GALNS: variants seen among roughly 807,000 people sequenced by gnomAD.
GALNS encodes the protein galactosamine (N-acetyl)-6-sulfatase.
GALNS carries 65 observed loss-of-function variants against 65.9 expected under a neutral mutation model. That is an observed-to-expected ratio of 0.99 (90% CI 0.81 to 1.21). The LOEUF (loss-of-function observed/expected upper bound fraction) is 1.21, where lower values mean the gene tolerates loss of function less well. Ranked by LOEUF, GALNS falls within the 50% of genes most tolerant of loss-of-function variation. The pLI, the probability that GALNS is intolerant of heterozygous loss-of-function variation, is 0.00. For synonymous variants in GALNS, 346 were observed against 288.9 expected, an observed-to-expected ratio of 1.20 and a Z score of -2.00; for missense variants, 776 against 700.7, an observed-to-expected ratio of 1.11 and a Z score of -1.21.
chr16:88,851,437 G>A (rs1360300307), intron 1 of GALNS, among the ~76,000 whole-genome samples: 1 of 152,168 alleles, frequency 6.6e-6, no homozygotes, highest in African/African-American at 2.4e-5. Flanking sequence ...AGCTCCCAGC[G>A]TGATTGACGC....
At chr16:88,836,149 G>A (rs968923236) in intron 6 of GALNS, 52 bp downstream of exon 6, 110 of 1,527,154 alleles carry the variant, frequency 7.2e-5, no homozygotes, top group Non-Finnish European at 9.2e-5. Context: ...AGGTTGGTGC[G>A]GTCCCCGTCC....
intron 1 of GALNS, 169 bp from the exon 2 acceptor site, chr16:88,842,998 G>T: frequency 6.6e-7 from 1 of 1,508,984 alleles, no homozygotes; most frequent in Non-Finnish European, 8.9e-7. Flanking sequence ...CTGCGTGCGT[G>T]CACGATGGGG....
intron 9 of GALNS, among the ~76,000 whole-genome samples, chr16:88,829,823 G>A (rs1466814658): frequency 6.6e-6 from 1 of 152,246 alleles, no homozygotes; most frequent in East Asian, 1.9e-4. Flanking sequence ...CGCGCGACCA[G>A]GCCAGGCAAT....
intron 2 of GALNS, chr16:88,842,257 G>A: frequency 1.8e-6 from 1 of 567,312 alleles, no homozygotes; most frequent in Non-Finnish European, 3.2e-6. Flanking sequence ...GGGCGTGCAG[G>A]TCCACACGCC....
chr16:88,833,953 G>A (rs971786019), intron 8 of GALNS, among the ~76,000 whole-genome samples: 4 of 152,238 alleles, frequency 2.6e-5, no homozygotes, highest in Non-Finnish European at 4.4e-5. Flanking sequence ...TGGTGGTTGT[G>A]GGTGCTGGCG....
chr16:88,835,162 G>A (rs1394016294), intron 8 of GALNS, 51 bp downstream of exon 8: 9 of 1,552,066 alleles, frequency 5.8e-6, no homozygotes, highest in Middle Eastern at 1.7e-4. Context: ...GGCACTCTTC[G>A]CTGACACGCT....
intron 1 of GALNS, among the ~76,000 whole-genome samples, chr16:88,852,463 A>C (rs1362885409): frequency 6.6e-6 from 1 of 152,250 alleles, no homozygotes; most frequent in East Asian, 1.9e-4. Flanking sequence ...TCTAAAAACC[A>C]GAGCACCTCT....
intron 1 of GALNS, among the ~76,000 whole-genome samples, chr16:88,847,782 C>T (rs1180717868): frequency 6.6e-6 from 1 of 152,230 alleles, no homozygotes; most frequent in African/African-American, 2.4e-5. Flanking sequence ...ACACGCAGCA[C>T]CTGGTGAGAG....
chr16:88,827,229 G>A (rs1434611497), intron 9 of GALNS: 1 of 257,454 alleles, frequency 3.9e-6, no homozygotes, highest in Admixed American at 4.9e-5. Context: ...GGAGCAGGTG[G>A]AGAAAAACCA....
chr16:88,841,317 G>A (rs2143004796), intron 3 of GALNS, among the ~76,000 whole-genome samples: 1 of 152,236 alleles, frequency 6.6e-6, no homozygotes, highest in Non-Finnish European at 1.5e-5. Flanking sequence ...GGTGGGGACG[G>A]GGCAGACTCC....
rs1015352712 is a variant in GALNS, at chr16:88,831,927, G to A, written c.1002+71C>T. 8 of 1,330,686 alleles carry A rather than the reference G, an allele frequency of 6.0e-6. No individual in the cohort carries two copies. In the South Asian group the frequency reaches 8.4e-5, roughly 14 times the overall value. 82.4% of individuals were successfully genotyped at this position (1,330,686 alleles called of 1,614,324 possible). ...GGTGCATGGGGGAGGTGGCCAGTGA[G>A]GGGCGCACACACCCTGGGATGGCTG... On this transcript the variant is annotated intron_variant, in intron 9 of 13. Transcript: ENST00000268695.
At chr16:88,827,374 G>A (rs1032717687) in intron 9 of GALNS, among the ~76,000 whole-genome samples, 2 of 152,210 alleles carry the variant, frequency 1.3e-5, no homozygotes, top group African/African-American at 2.4e-5. Flanking sequence ...TCCGGAGGGC[G>A]TGGGCACTGC....
chr16:88,836,156 G>A (rs773138457), intron 6 of GALNS, 45 bp downstream of exon 6: 22 of 1,565,206 alleles, frequency 1.4e-5, no homozygotes, highest in East Asian at 9.0e-5. Flanking sequence ...TGCGGTCCCC[G>A]TCCCCATGCG....
chr16:88,833,742 G>A (rs971732266), intron 8 of GALNS, among the ~76,000 whole-genome samples: 3 of 152,172 alleles, frequency 2.0e-5, no homozygotes, highest in Admixed American at 6.5e-5. Flanking sequence ...GAGCCACCAC[G>A]CCCAGCCCCC....
rs2142999048 is a variant in GALNS at position 88,831,896 on chromosome 16, G to A, written c.1002+102C>T. 5.2e-6 allele frequency: 5 copies of A among 965,788 alleles called. No individual in the cohort carries two copies. The African/African-American group carries it at 6.4e-5, about 12-fold the overall frequency. 59.8% of individuals were successfully genotyped at this position (965,788 alleles called of 1,614,324 possible). On this transcript the variant is annotated intron_variant, in intron 9 of 13. Transcript: ENST00000268695. ...GTGGGGAGGAGAGCGGTGAGGATGA[G>A]CACGGGGTGCATGGGGGAGGTGGCC...
In GALNS at chr16:88,828,425, G is replaced by A. The variant is rs570209396; in HGVS notation, c.1003-1587C>T. ...AGAAGTCACTGAAACCGTTATCAGCGCTTTCGAGACTTCACTCAGAATCCA... is the reference window on the plus strand; with the variant it reads ...AGAAGTCACTGAAACCGTTATCAGCACTTTCGAGACTTCACTCAGAATCCA... On this transcript the variant is annotated intron_variant, in intron 9 of 13. Transcript: ENST00000268695. 4.6e-5 allele frequency among the ~76,000 whole-genome samples: 7 copies of A among 152,316 alleles called. No individual in the cohort carries two copies. In the East Asian group the frequency reaches 9.7e-4, roughly 21 times the overall value.
chr16:88,855,785 G>A (rs950774602), intron 1 of GALNS: 80 of 527,696 alleles, frequency 1.5e-4, no homozygotes, highest in African/African-American at 1.2e-3. Context: ...GGTGTGGCCC[G>A]TGGCCCCCAC....
At chr16:88,844,363 A>C (rs1967137394) in intron 1 of GALNS, 1 of 152,172 alleles carries the variant, frequency 6.6e-6, no homozygotes. Flanking sequence ...GTGCTTTTAA[A>C]CAGGCAGTGG....
Position 88,831,992 on chromosome 16 carries a change from A to G in GALNS, c.1002+6T>C. The G allele has an allele frequency of 6.2e-7, 1 of 1,611,634 alleles. No homozygotes were observed. Among genetic ancestry groups the G allele is most frequent in the Non-Finnish European group, 8.5e-7 (1 of 1,178,574 alleles). On this transcript the variant is annotated splice_donor_region_variant and intron_variant, in intron 9 of 13. Coordinates refer to ENST00000268695, the MANE Select transcript of GALNS (RefSeq NM_000512.5). ...CTGCCCGGCAGACCGGTGGACGCTG[A>G]CTCACCTGGCCTGCAGTGACGTGCC...
Sources: allele counts gnomAD v4.1 joint callset (sites outside exome capture counted in the v4.1 genomes callset), GRCh38; gene constraint gnomAD v4.1.1; transcripts MANE v1.5; gene names NCBI Gene and HGNC (gene_info 2026-07-23, HGNC 2026-07-21).